The following PWWP3A variants were observed in gnomAD, a reference collection of about 807,000 sequenced individuals.
PWWP3A encodes the protein PWWP domain-containing DNA repair factor 3A.
In PWWP3A, 53 loss-of-function variants were observed where a neutral mutation model predicts 79.0. The ratio of observed to expected loss-of-function variants is 0.67; its 90% CI spans 0.54 to 0.84. The LOEUF (loss-of-function observed/expected upper bound fraction) is 0.84. Ranked by LOEUF, PWWP3A falls within the 40% of genes least tolerant of loss-of-function variation. The pLI, the probability that PWWP3A is intolerant of heterozygous loss-of-function variation, is 0.00. For synonymous variants in PWWP3A, 443 were observed against 394.4 expected (o/e 1.12, Z -1.46); for missense variants, 973 against 948.0 (o/e 1.03, Z -0.35).
At position 1,360,344 on chromosome 19, in the gene PWWP3A, AGACGT is replaced by A; in HGVS notation, c.425_429del (p.Asp142ValfsTer24). On this transcript the variant is annotated frameshift_variant, in exon 5 of 14. Transcript: ENST00000591337. LOFTEE classifies it high-confidence loss of function. This position sits in a 1 kb window ranked among gnomAD's most constrained non-coding sequence, Gnocchi z 4.4. ...CGAACTCCTCATCTCTTCCCCGCGG[AGACGT>A]GTTGGGCAGTTCCAGACCTCACAGG... The A allele has an allele frequency of 6.2e-7, 1 of 1,614,080 alleles. No individual in the cohort carries two copies. The highest frequency in any genetic ancestry group is 8.5e-7 in the Non-Finnish European group (1 of 1,179,992).
chr19:1,376,122 C>CTTT (rs764962400), intron 13 of PWWP3A, among the ~76,000 whole-genome samples: 6 of 107,644 alleles, frequency 5.6e-5, no homozygotes, highest in African/African-American at 1.9e-4. Flanking sequence ...CTGTCATACT[C>CTTT]TTTTTTTTTT....
chr19:1,363,219 T>G (rs2082058199), intron 6 of PWWP3A, among the ~76,000 whole-genome samples: 1 of 152,250 alleles, frequency 6.6e-6, no homozygotes, highest in South Asian at 2.1e-4. Context: ...GTTCTTTTTT[T>G]GTCTACACTG....
At chr19:1,366,454 C>T (rs561949300) in intron 8 of PWWP3A, 73 bp downstream of exon 8, 73 of 1,405,798 alleles carry the variant, frequency 5.2e-5, no homozygotes, top group Admixed American at 3.0e-4. Flanking sequence ...TCAGAGCGGG[C>T]GTGGGGATGG....
Position 1,376,311 on chromosome 19 carries a change from G to T in PWWP3A, c.2076-208G>T, listed in dbSNP as rs8110079. ...CGGCTGTTTGTTTTTTTTTTTGTTTGTTTTTTTTTTTTTTTGGTATTTTTT... is the reference window on the plus strand; with the variant it reads ...CGGCTGTTTGTTTTTTTTTTTGTTTTTTTTTTTTTTTTTTTGGTATTTTTT... On this transcript the variant is annotated intron_variant, in intron 13 of 13. Transcript: ENST00000591337. 0.57 allele frequency among the ~76,000 whole-genome samples: 37,665 copies of T among 66,398 alleles called. 9,960 individuals carry two copies. Among genetic ancestry groups the T allele is most frequent in the Non-Finnish European group, 0.63 (23,791 of 37,478 alleles). 43.6% of individuals were successfully genotyped at this position (66,398 alleles called of 152,430 possible). A position where few individuals can be genotyped will look rare whatever the true frequency, so the allele number is the denominator to read the frequency against.
Position 1,369,454 on chromosome 19 carries a change from T to G in PWWP3A, c.1498+114T>G. On this transcript the variant is annotated intron_variant, in intron 10 of 13. Coordinates refer to ENST00000591337, the MANE Select transcript of PWWP3A (RefSeq NM_001369789.1). This position sits in a 1 kb window ranked among gnomAD's most constrained non-coding sequence, Gnocchi z 4.0. ...GAGGCGGGGCATATTTCCGTGGGCC[T>G]GGGGCATTCCCTGTGGGTGGGCTGG... The G allele has an allele frequency of 6.7e-7, 1 of 1,481,952 alleles. No homozygotes were observed. The highest frequency in any genetic ancestry group is 9.4e-7 in the Non-Finnish European group (1 of 1,063,358). 91.8% of individuals were successfully genotyped at this position (1,481,952 alleles called of 1,614,324 possible).
chr19:1,375,511 T>C (rs1276182525), intron 13 of PWWP3A, among the ~76,000 whole-genome samples: 4 of 123,782 alleles, frequency 3.2e-5, no homozygotes, highest in African/African-American at 1.2e-4. Context: ...TTATATATAA[T>C]ATATAAAATC....
rs1226033380 is a variant in PWWP3A at position 1,373,126 on chromosome 19, G to A, written c.2041G>A (p.Glu681Lys). 6.2e-7 allele frequency: 1 copy of A among 1,614,248 alleles called. No individual in the cohort carries two copies. Among genetic ancestry groups the A allele is most frequent in the Non-Finnish European group, 8.5e-7 (1 of 1,180,038 alleles). ...VDEVDYKTAE[E>K]KYIKGPSLSY... ...CGAGGTGGACTACAAGACGGCTGAGGAGAAGTACATCAAGGGGCCTTCGCT... is the reference window on the plus strand; with the variant it reads ...CGAGGTGGACTACAAGACGGCTGAGAAGAAGTACATCAAGGGGCCTTCGCT... The change falls in exon 13 of 14, where the codon GAG (glutamate) becomes AAG (lysine). Residue 681 changes from glutamate to lysine, a missense_variant. By Grantham distance (56) the Glu-to-Lys change is moderately conservative. Coordinates refer to ENST00000591337, the MANE Select transcript of PWWP3A (RefSeq NM_001369789.1).
intron 13 of PWWP3A, among the ~76,000 whole-genome samples, chr19:1,376,061 G>T (rs1432558762): frequency 6.7e-6 from 1 of 149,570 alleles, no homozygotes; most frequent in Non-Finnish European, 1.5e-5. Flanking sequence ...CACCCACCTC[G>T]GCCTCCCAAA....
In PWWP3A at chr19:1,368,854, C is replaced by T. The variant is rs1284602049; in HGVS notation, c.1423-411C>T. Among the ~76,000 whole-genome samples, 4 of 144,802 alleles carry T rather than the reference C, an allele frequency of 2.8e-5. No homozygotes were observed. Among genetic ancestry groups the T allele is most frequent in the South Asian group, 2.1e-4 (1 of 4,712 alleles). The allele number at this position is 144,802 out of a possible 152,430, so 95.0% of individuals were successfully genotyped here. ...AGACCAGCCCAAGCCTTCGGGTCCC[C>T]GGTGCCCACCTGCGTTCAGACCAGC... On this transcript the variant is annotated intron_variant, in intron 9 of 13. Coordinates refer to ENST00000591337, the MANE Select transcript of PWWP3A (RefSeq NM_001369789.1). This position sits in a 1 kb window ranked among gnomAD's most constrained non-coding sequence, Gnocchi z 4.7.
In PWWP3A at chr19:1,362,233, T is replaced by A; in HGVS notation, c.1112-17T>A. Reference sequence around the variant, plus strand: ...CAATGCAATGACCATGAAAGTCTAATATCACATTATTGGCAGAGTGCCAGT... The same window carrying A: ...CAATGCAATGACCATGAAAGTCTAAAATCACATTATTGGCAGAGTGCCAGT... On this transcript the variant is annotated splice_polypyrimidine_tract_variant and intron_variant, in intron 5 of 13. Transcript: ENST00000591337. The A allele has an allele frequency of 6.3e-7, 1 of 1,599,744 alleles. No individual in the cohort carries two copies. The highest frequency in any genetic ancestry group is 8.5e-7 in the Non-Finnish European group (1 of 1,170,982).
chr19:1,376,816 C>T lies in PWWP3A; in HGVS notation c.*240C>T, dbSNP rs569962345. Reference sequence around the variant, plus strand: ...TATTTTTGGCATTTTTTACAAGATACCGTTCGGGAAAGGCTTTTGAAAGGA... The same window carrying T: ...TATTTTTGGCATTTTTTACAAGATATCGTTCGGGAAAGGCTTTTGAAAGGA... On this transcript the variant is annotated 3_prime_UTR_variant, in exon 14 of 14. Coordinates refer to ENST00000591337, the MANE Select transcript of PWWP3A (RefSeq NM_001369789.1). 15 of 451,146 alleles carry T rather than the reference C, an allele frequency of 3.3e-5. No individual in the cohort carries two copies. Among genetic ancestry groups the T allele is most frequent in the Non-Finnish European group, 5.1e-5 (13 of 252,526 alleles). 27.9% of individuals were successfully genotyped at this position (451,146 alleles called of 1,614,324 possible).
intron 13 of PWWP3A, among the ~76,000 whole-genome samples, chr19:1,376,304 TTTG>T (rs1365602363): frequency 1.0e-5 from 1 of 98,106 alleles, no homozygotes; most frequent in African/African-American, 5.1e-5. Context: ...TGTTTTTTTT[TTTG>T]TTTGTTTTTT....
chr19:1,375,501 T>A (rs1339701175), intron 13 of PWWP3A, among the ~76,000 whole-genome samples: 7 of 25,806 alleles, frequency 2.7e-4, no homozygotes, highest in East Asian at 2.2e-3. Context: ...TATATAAATT[T>A]TATATATAAT....
chr19:1,362,302 G>GGAGGAAGAC lies in PWWP3A; in HGVS notation c.1179_1187dup (p.Asp394_Glu396dup), dbSNP rs758373454. 14 of 1,614,014 alleles carry GGAGGAAGAC rather than the reference G, an allele frequency of 8.7e-6. No individual in the cohort carries two copies. The highest frequency in any genetic ancestry group is 8.3e-5 in the Admixed American group (5 of 59,990). Reference sequence around the variant, plus strand: ...GGTCTAATTCCATGCGTTCTATCCTGGAGGAAGACGAGGAAGACGAGGAGC... The same window carrying GGAGGAAGAC: ...GGTCTAATTCCATGCGTTCTATCCTGGAGGAAGACGAGGAAGACGAGGAAGACGAGGAGC... On this transcript the variant is annotated inframe_insertion, in exon 6 of 14. Transcript: ENST00000591337.
At chr19:1,358,514 C>G in intron 4 of PWWP3A, 50 bp downstream of exon 4, 1 of 1,607,260 alleles carries the variant, frequency 6.2e-7, no homozygotes, top group Non-Finnish European at 8.5e-7. Context: ...AATAAGAGGT[C>G]ATTTGGGAGA....
rs753105863 is a variant in PWWP3A, at chr19:1,371,044, G to A, written c.1952G>A (p.Arg651Gln). Reference protein sequence around the residue: ...AKVLQRTNGDRIRFILDVLLP... With the variant: ...AKVLQRTNGDQIRFILDVLLP... ...GTGCTCCAGCGCACCAACGGCGACC[G>A]GATCCGGTTCATTCTGGACGTGCTT... The change falls in exon 12 of 14, where the codon CGG becomes CAG. Residue 651 changes from arginine to glutamine, a missense_variant. Coordinates refer to ENST00000591337, the MANE Select transcript of PWWP3A (RefSeq NM_001369789.1). 1.2e-5 allele frequency: 19 copies of A among 1,571,798 alleles called. No homozygotes were observed. The highest frequency in any genetic ancestry group is 5.4e-5 in the African/African-American group (4 of 74,048).
In PWWP3A at chr19:1,376,555, G is replaced by A. The variant is rs1394338365; in HGVS notation, c.2112G>A (p.Glu704=). The change falls in exon 14 of 14, where the codon GAG becomes GAA. Residue 704 remains glutamate (E), a synonymous_variant. Coordinates refer to ENST00000591337, the MANE Select transcript of PWWP3A (RefSeq NM_001369789.1). ...KEIFDNQLLE[E]RNRRRR The stretch of plus-strand genomic sequence containing the variant: ...TATTTGACAACCAGCTCCTTGAAGA[G>A]CGGAACCGGCGCCGTCGGTGAGGGA... 2.5e-6 allele frequency: 4 copies of A among 1,613,482 alleles called. No homozygotes were observed. The highest frequency in any genetic ancestry group is 2.2e-5 in the South Asian group (2 of 91,076).
chr19:1,356,636 A>G (rs533837416), intron 2 of PWWP3A, among the ~76,000 whole-genome samples, 187 bp downstream of exon 2: 4 of 148,124 alleles, frequency 2.7e-5, no homozygotes, highest in Non-Finnish European at 6.0e-5. Flanking sequence ...ACTTCCAGAA[A>G]TGTCTTTTTT....
rs906243918 is a variant in PWWP3A, at chr19:1,367,158, A to C, written c.1362-2A>C. 9.9e-6 allele frequency: 16 copies of C among 1,610,892 alleles called. No individual in the cohort carries two copies. Among genetic ancestry groups the C allele is most frequent in the African/African-American group, 1.3e-5 (1 of 74,742 alleles). On this transcript the variant is annotated splice_acceptor_variant, in intron 8 of 13. Transcript: ENST00000591337. LOFTEE classifies it high-confidence loss of function. ...TTAACTTTTCCCTCTCTCTGCTTCA[A>C]GTTTCACAGTGTCTCTTAAAAGTTT...
Sources: allele counts gnomAD v4.1 joint callset (sites outside exome capture counted in the v4.1 genomes callset), GRCh38; gene constraint gnomAD v4.1.1; non-coding constraint Gnocchi (gnomAD v3.1); transcripts MANE v1.5; gene names NCBI Gene and HGNC (gene_info 2026-07-23, HGNC 2026-07-21).